DHX35: variants seen among roughly 807,000 people sequenced by gnomAD.
DHX35 encodes DEAH-box helicase 35.
Under a neutral mutation model 99.6 loss-of-function variants are expected in DHX35, and 84 were observed. That is an observed-to-expected ratio of 0.84 (90% CI 0.71 to 1.01). The LOEUF is 1.01. Among genes scored for constraint, DHX35 ranks in the 50% least tolerant of loss-of-function variants. The pLI is 0.00. For synonymous variants in DHX35, 331 were observed against 316.2 expected, an observed-to-expected ratio of 1.05 and a Z score of -0.50; for missense variants, 852 against 888.5, an observed-to-expected ratio of 0.96 and a Z score of 0.52.
chr20:38,987,795 C>G (rs2086273280), intron 4 of DHX35, among the ~76,000 whole-genome samples: 2 of 151,976 alleles, frequency 1.3e-5, no homozygotes, highest in African/African-American at 4.8e-5. Flanking sequence ...TATTATGCTA[C>G]CTTGGATTTT....
At chr20:39,028,776 C>T (rs1011020) in intron 19 of DHX35, among the ~76,000 whole-genome samples, 55,437 of 152,028 alleles carry the variant, frequency 0.36, 10,563 homozygotes, top group Middle Eastern at 0.51. Context: ...ATTCTAATGA[C>T]AGAATAATAT....
At chr20:39,028,140 A>G (rs2086987138) in intron 18 of DHX35, among the ~76,000 whole-genome samples, 1 of 152,192 alleles carries the variant, frequency 6.6e-6, no homozygotes, top group African/African-American at 2.4e-5. Context: ...GCCATGGTCC[A>G]GTCATCTGTG....
At position 39,016,787 on chromosome 20, in the gene DHX35, G is replaced by T. The variant is rs114839954; in HGVS notation, c.1402+1853G>T. On this transcript the variant is annotated intron_variant, in intron 14 of 21. Coordinates refer to ENST00000252011, the MANE Select transcript of DHX35 (RefSeq NM_021931.4). ...GAGTCATGATGTTGAGCACCTTTTC[G>T]TGTGCTTGCTGCCCATTTGTAAATC... Among the ~76,000 whole-genome samples, 1,063 of 151,190 alleles carry T rather than the reference G, an allele frequency of 7.0e-3. 10 individuals are homozygous for T. Among genetic ancestry groups the T allele is most frequent in the African/African-American group, 0.023 (963 of 41,238 alleles).
chr20:39,001,870 T>C (rs1215564010), intron 9 of DHX35, 28 bp downstream of exon 9: 6 of 1,546,546 alleles, frequency 3.9e-6, no homozygotes, highest in Non-Finnish European at 5.3e-6. Context: ...TTCTGGATGA[T>C]GGTGTTTAGA....
At chr20:39,037,567 T>A (rs1170216784) in intron 21 of DHX35, among the ~76,000 whole-genome samples, 1 of 152,224 alleles carries the variant, frequency 6.6e-6, no homozygotes, top group Admixed American at 6.5e-5. Flanking sequence ...CGGCTTGATG[T>A]TGTGGGGCCA....
At chr20:38,986,550 A>G (rs1003686891) in intron 4 of DHX35, among the ~76,000 whole-genome samples, 1 of 152,110 alleles carries the variant, frequency 6.6e-6, no homozygotes, top group Non-Finnish European at 1.5e-5. Flanking sequence ...TCGTAGGTGT[A>G]TATATATTTA....
intron 8 of DHX35, among the ~76,000 whole-genome samples, chr20:38,997,569 A>G (rs1156389042): frequency 6.6e-6 from 1 of 152,140 alleles, no homozygotes; most frequent in Non-Finnish European, 1.5e-5. Context: ...GGTACGGGAC[A>G]TGCTGGACCT....
At chr20:38,971,971 G>A (rs76073031) in intron 2 of DHX35, among the ~76,000 whole-genome samples, 71 of 139,040 alleles carry the variant, frequency 5.1e-4, no homozygotes, top group Non-Finnish European at 9.0e-4. Flanking sequence ...GTAGCAGTAT[G>A]TCTATAATTT....
Position 39,010,180 on chromosome 20 carries a change from G to T in DHX35, c.1223-100G>T, listed in dbSNP as rs1248098562. The T allele has an allele frequency of 2.6e-6, 4 of 1,520,828 alleles. No individual in the cohort carries two copies. In the African/African-American group the frequency reaches 5.5e-5, roughly 21 times the overall value. 94.2% of individuals were successfully genotyped at this position (1,520,828 alleles called of 1,614,324 possible). On this transcript the variant is annotated intron_variant, in intron 12 of 21. Transcript: ENST00000252011. The stretch of plus-strand genomic sequence containing the variant: ...GTGCATCTGCTTCTAGAATCCTAGA[G>T]ACCCTTGTTCAAGATAGAGAAGAAA...
At chr20:39,006,111 A>T in intron 11 of DHX35, 35 bp from the exon 12 acceptor site, 1 of 1,594,924 alleles carries the variant, frequency 6.3e-7, no homozygotes, top group Non-Finnish European at 8.6e-7. Context: ...AAAAGAATAA[A>T]ATGAGTTTTA....
At chr20:39,021,957 G>A (rs368559393) in intron 16 of DHX35, 22 bp downstream of exon 16, 175 of 1,612,058 alleles carry the variant, frequency 1.1e-4, no homozygotes, top group Non-Finnish European at 1.5e-4. Context: ...CTGTCCCCAG[G>A]CTGTCTGTAC....
At chr20:39,031,680 C>T (rs2087056489) in intron 20 of DHX35, among the ~76,000 whole-genome samples, 1 of 152,172 alleles carries the variant, frequency 6.6e-6, no homozygotes, top group Non-Finnish European at 1.5e-5. Flanking sequence ...GAGTCAACTA[C>T]CTTAGGGGAA....
intron 3 of DHX35, chr20:38,978,140 T>C: frequency 1.2e-6 from 1 of 800,752 alleles, no homozygotes; most frequent in Non-Finnish European, 2.2e-6. Context: ...ACCGGTGGTA[T>C]TATTTCAAAG....
At chr20:39,034,431 T>C (rs1425308046) in intron 21 of DHX35, 114 bp downstream of exon 21, 2 of 842,996 alleles carry the variant, frequency 2.4e-6, no homozygotes, top group Non-Finnish European at 3.8e-6. Context: ...TAGGGGTGCA[T>C]AGGGTGGAAA....
chr20:39,005,079 T>C (rs2086591273), intron 11 of DHX35, among the ~76,000 whole-genome samples: 1 of 152,186 alleles, frequency 6.6e-6, no homozygotes, highest in African/African-American at 2.4e-5. Flanking sequence ...TTTTATAGCA[T>C]AACATCTTAA....
intron 18 of DHX35, among the ~76,000 whole-genome samples, chr20:39,027,430 T>G (rs963265866): frequency 2.0e-5 from 3 of 152,198 alleles, no homozygotes; most frequent in Non-Finnish European, 4.4e-5. Flanking sequence ...GTTTTCAGGT[T>G]GATAAATGGG....
chr20:38,983,060 C>T (rs1169161926), intron 3 of DHX35, among the ~76,000 whole-genome samples: 1 of 151,726 alleles, frequency 6.6e-6, no homozygotes, highest in African/African-American at 2.4e-5. Context: ...TGAGTAGTCA[C>T]GATTACAGGC....
chr20:38,962,472 G>T, intron 1 of DHX35, 65 bp downstream of exon 1: 1 of 1,569,948 alleles, frequency 6.4e-7, no homozygotes, highest in East Asian at 2.4e-5. Context: ...CGCCGCGGCC[G>T]GCGCCCTGGG....
intron 11 of DHX35, among the ~76,000 whole-genome samples, chr20:39,005,357 A>G (rs183568682): frequency 8.5e-5 from 13 of 152,288 alleles, no homozygotes; most frequent in Non-Finnish European, 1.6e-4. Context: ...TTTTGGCTGC[A>G]CTGGCTGTTT....
Sources: allele counts gnomAD v4.1 joint callset (sites outside exome capture counted in the v4.1 genomes callset), GRCh38; gene constraint gnomAD v4.1.1; transcripts MANE v1.5; gene names NCBI Gene and HGNC (gene_info 2026-07-23, HGNC 2026-07-21).